PRDM10: variants seen among roughly 807,000 people sequenced by gnomAD.
PRDM10 encodes the protein PR/SET domain 10, also known as PR domain zinc finger protein 10.
Under a neutral mutation model 133.1 loss-of-function variants are expected in PRDM10, and 65 were observed. The observed-to-expected ratio is 0.49, with a 90% CI of 0.40 to 0.60. The LOEUF (loss-of-function observed/expected upper bound fraction) is 0.60. Among genes scored for constraint, PRDM10 ranks in the 20% least tolerant of loss-of-function variants. The pLI is 0.00. For missense variants in PRDM10, 1,137 were observed against 1,507.1 expected (o/e 0.75, Z 4.07); for synonymous variants, 582 against 580.4 (o/e 1.00, Z -0.04).
At chr11:129,961,979 T>C (rs1951805274) in intron 1 of PRDM10, among the ~76,000 whole-genome samples, 2 of 152,090 alleles carry the variant, frequency 1.3e-5, no homozygotes, top group African/African-American at 4.8e-5. Flanking sequence ...ATACCACCTT[T>C]ACTCAAAATG....
intron 4 of PRDM10, 138 bp downstream of exon 4, chr11:129,955,374 T>A: frequency 1.4e-6 from 1 of 709,212 alleles, no homozygotes; most frequent in South Asian, 2.6e-5. Context: ...TGCTTTGTTT[T>A]CATTAAAGGA....
Position 129,984,682 on chromosome 11 carries a change from C to T in PRDM10, c.-119+18040G>A, listed in dbSNP as rs144098674. 1.2e-3 allele frequency among the ~76,000 whole-genome samples: 187 copies of T among 152,320 alleles called. 2 individuals are homozygous for T. Among genetic ancestry groups the T allele is most frequent in the Admixed American group, 9.7e-3 (149 of 15,308 alleles). ...TCTTCCCTTCATTCCTGATACTACG[C>T]CTTCCTGATTTTTCTCCCATCTCCC... On this transcript the variant is annotated intron_variant, in intron 1 of 20. Coordinates refer to ENST00000360871, the MANE Select transcript of PRDM10 (RefSeq NM_199437.2).
chr11:129,966,119 C>T (rs945467626), intron 1 of PRDM10, among the ~76,000 whole-genome samples: 3 of 152,100 alleles, frequency 2.0e-5, no homozygotes, highest in African/African-American at 7.2e-5. Flanking sequence ...TGGCGTGTGC[C>T]TGTAGTCCCA....
At chr11:129,937,538 G>T in intron 8 of PRDM10, 60 bp downstream of exon 8, 1 of 1,471,472 alleles carries the variant, frequency 6.8e-7, no homozygotes, top group Non-Finnish European at 9.3e-7. Context: ...GTTTCATAAA[G>T]ATGTGATATA....
intron 19 of PRDM10, among the ~76,000 whole-genome samples, chr11:129,908,485 CT>C (rs1419309268): frequency 1.3e-5 from 2 of 152,034 alleles, no homozygotes; most frequent in East Asian, 3.9e-4. Flanking sequence ...TGTTCTTTTT[CT>C]TTTAGAGGTA....
At chr11:129,922,919 C>A (rs1055239426) in intron 13 of PRDM10, among the ~76,000 whole-genome samples, 23 of 152,300 alleles carry the variant, frequency 1.5e-4, no homozygotes, top group Middle Eastern at 6.8e-3. Context: ...ACAAAAACCT[C>A]CTGATCTGAA....
chr11:129,902,515 C>T lies in PRDM10; in HGVS notation c.3269G>A (p.Gly1090Asp). ...TTGACTTTCTGATAACACATAATGACCCTAGAGGAAGAAGAAAAGGATCCT... is the reference window on the plus strand; with the variant it reads ...TTGACTTTCTGATAACACATAATGATCCTAGAGGAAGAAGAAAAGGATCCT... Reference protein sequence around the residue: ...TTGQVKAVTSGHYVLSESQSE... With the variant: ...TTGQVKAVTSDHYVLSESQSE... Residue 1090 changes from glycine (G) to aspartate (D), a missense_variant and splice_region_variant, in exon 21 of 21, where the codon GGT (glycine) becomes GAT (aspartate). Around this residue, in one of 6 missense-constraint regions of PRDM10, gnomAD observed 243 missense variants for 259.2 expected, o/e 0.94. Coordinates refer to ENST00000360871, the MANE Select transcript of PRDM10 (RefSeq NM_199437.2). The T allele has an allele frequency of 6.2e-7, 1 of 1,612,926 alleles. No homozygotes were observed. Among genetic ancestry groups the T allele is most frequent in the East Asian group, 2.2e-5 (1 of 44,876 alleles).
At chr11:129,942,389 G>C in intron 7 of PRDM10, 37 bp downstream of exon 7, 2 of 1,577,102 alleles carry the variant, frequency 1.3e-6, no homozygotes, top group Non-Finnish European at 1.7e-6. Context: ...AATCACTCTT[G>C]CTAGCAAATA....
chr11:129,956,530 T>G (rs1257187607), intron 3 of PRDM10, among the ~76,000 whole-genome samples: 1 of 152,092 alleles, frequency 6.6e-6, no homozygotes, highest in East Asian at 1.9e-4. Context: ...TGCCACTGCA[T>G]TCCAGCCTAG....
intron 1 of PRDM10, among the ~76,000 whole-genome samples, chr11:129,999,254 C>T (rs1007418211): frequency 1.2e-4 from 19 of 152,200 alleles, no homozygotes; most frequent in Non-Finnish European, 2.9e-5. Flanking sequence ...CAAAATAAGT[C>T]ACGAAAAGTT....
chr11:129,972,561 A>G (rs1158286956), intron 1 of PRDM10, among the ~76,000 whole-genome samples: 1 of 152,216 alleles, frequency 6.6e-6, no homozygotes, highest in African/African-American at 2.4e-5. Context: ...AACAACTTCT[A>G]TTTTATAAAA....
At chr11:130,001,346 G>C (rs2288401) in intron 1 of PRDM10, among the ~76,000 whole-genome samples, 3,605 of 152,252 alleles carry the variant, frequency 0.024, 117 homozygotes, top group African/African-American at 0.069. Flanking sequence ...AGGAGTGATA[G>C]AAACAAAGAG....
chr11:129,920,774 C>A (rs1425822132), intron 13 of PRDM10, among the ~76,000 whole-genome samples: 1 of 151,934 alleles, frequency 6.6e-6, no homozygotes, highest in Non-Finnish European at 1.5e-5. Flanking sequence ...TATGAGGTCT[C>A]CCCTATACCC....
At position 129,900,192 on chromosome 11, in the gene PRDM10, T is replaced by A. The variant is rs1949806577; in HGVS notation, c.*2121A>T. 3 of 152,256 alleles carry A rather than the reference T, an allele frequency of 2.0e-5. No homozygotes were observed. The allele number at this position is 152,256 out of a possible 1,614,324, so 9.4% of individuals were successfully genotyped here. A position where few individuals can be genotyped will look rare whatever the true frequency, so the allele number is the denominator to read the frequency against. On this transcript the variant is annotated 3_prime_UTR_variant, in exon 21 of 21. Transcript: ENST00000360871. Reference sequence around the variant, plus strand: ...CTGATGGCTCATCATTTGCCATCTCTTCAAATCCAGGTCCTTTTAAAAATC... The same window carrying A: ...CTGATGGCTCATCATTTGCCATCTCATCAAATCCAGGTCCTTTTAAAAATC...
At chr11:129,960,736 T>C (rs1008999360) in intron 2 of PRDM10, among the ~76,000 whole-genome samples, 160 bp downstream of exon 2, 3 of 152,124 alleles carry the variant, frequency 2.0e-5, no homozygotes, top group Non-Finnish European at 4.4e-5. Flanking sequence ...CGATGGAGCA[T>C]TCAAGGGGCC....
chr11:130,002,156 C>T (rs1939439909), intron 1 of PRDM10, among the ~76,000 whole-genome samples: 1 of 149,228 alleles, frequency 6.7e-6, no homozygotes, highest in South Asian at 2.1e-4. Context: ...CGGCCCCCAG[C>T]CCCCGGTGCT....
At chr11:129,997,824 G>T in intron 1 of PRDM10, among the ~76,000 whole-genome samples, 1 of 152,248 alleles carries the variant, frequency 6.6e-6, no homozygotes, top group South Asian at 2.1e-4. Context: ...TTATCTGGAA[G>T]TGGTTTTGAG....
intron 19 of PRDM10, among the ~76,000 whole-genome samples, chr11:129,907,501 T>C (rs1190346722): frequency 6.6e-6 from 1 of 152,074 alleles, no homozygotes; most frequent in Non-Finnish European, 1.5e-5. Context: ...GCCTCCTGGA[T>C]TCAAGCGATT....
chr11:129,928,013 T>C (rs1017521987), intron 11 of PRDM10, among the ~76,000 whole-genome samples: 4 of 152,254 alleles, frequency 2.6e-5, no homozygotes, highest in African/African-American at 9.6e-5. Context: ...TGTTGCTAAA[T>C]TCTGTGATTT....
Sources: gnomAD v4.1 joint callset for allele counts (sites outside exome capture counted in the v4.1 genomes callset) on GRCh38, gnomAD v4.1.1 for gene constraint, gnomAD v4.1.1 regional missense constraint, MANE v1.5 for transcripts, NCBI Gene and HGNC (gene_info 2026-07-23, HGNC 2026-07-21) for gene names.